The following EHHADH variants were observed in gnomAD, a reference collection of about 807,000 sequenced individuals.
EHHADH encodes the protein enoyl-CoA hydratase and 3-hydroxyacyl CoA dehydrogenase.
EHHADH carries 48 observed loss-of-function variants against 64.4 expected under a neutral mutation model. That is an observed-to-expected ratio of 0.75 (90% CI 0.59 to 0.95). The LOEUF is 0.95. EHHADH is among the 40% of genes least tolerant of loss of function. The pLI is 0.00. For synonymous variants in EHHADH, 308 were observed against 326.7 expected, an observed-to-expected ratio of 0.94 and a Z score of 0.62; for missense variants, 854 against 876.6, an observed-to-expected ratio of 0.97 and a Z score of 0.33.
chr3:185,248,579 G>T, intron 1 of EHHADH, 62 bp from the exon 2 acceptor site: 1 of 1,267,430 alleles, frequency 7.9e-7, no homozygotes, highest in Non-Finnish European at 1.1e-6. Context: ...CATTCAGAGT[G>T]TTTTCCTTTC....
chr3:185,201,373 G>A (rs1256953371), intron 6 of EHHADH, among the ~76,000 whole-genome samples: 3 of 152,154 alleles, frequency 2.0e-5, no homozygotes, highest in Non-Finnish European at 4.4e-5. Context: ...TAATGAAAAG[G>A]GATAGAACGA....
intron 1 of EHHADH, among the ~76,000 whole-genome samples, chr3:185,249,497 C>T (rs559907426): frequency 4.6e-5 from 7 of 152,270 alleles, no homozygotes; most frequent in Admixed American, 3.9e-4. Flanking sequence ...AGGGACCTAG[C>T]GGGAGTTGAT....
intron 5 of EHHADH, among the ~76,000 whole-genome samples, chr3:185,205,483 CA>C (rs1378448259): frequency 6.6e-6 from 1 of 152,116 alleles, no homozygotes; most frequent in African/African-American, 2.4e-5. Context: ...GTATATATAT[CA>C]ATGGAAGAGA....
intron 5 of EHHADH, among the ~76,000 whole-genome samples, chr3:185,205,314 C>G (rs1353218161): frequency 1.3e-5 from 2 of 152,068 alleles, no homozygotes; most frequent in Admixed American, 1.3e-4. Context: ...GGTTTTTCAA[C>G]CTTTGCCATC....
intron 4 of EHHADH, among the ~76,000 whole-genome samples, chr3:185,224,649 A>T (rs926779037): frequency 3.9e-5 from 6 of 152,168 alleles, no homozygotes; most frequent in South Asian, 4.1e-4. Flanking sequence ...TAAAACACAC[A>T]TTTACTATCT....
intron 1 of EHHADH, among the ~76,000 whole-genome samples, chr3:185,252,124 T>A (rs1719764264): frequency 6.6e-6 from 1 of 152,136 alleles, no homozygotes; most frequent in African/African-American, 2.4e-5. Flanking sequence ...TGTCAGAGGC[T>A]GGGCACGTGG....
At chr3:185,233,182 G>T (rs1560018300) in intron 3 of EHHADH, among the ~76,000 whole-genome samples, 1 of 152,200 alleles carries the variant, frequency 6.6e-6, no homozygotes, top group Non-Finnish European at 1.5e-5. Flanking sequence ...CATAATGTAT[G>T]AAGATATAAC....
At chr3:185,228,602 C>T (rs1169308713) in intron 4 of EHHADH, among the ~76,000 whole-genome samples, 2 of 151,028 alleles carry the variant, frequency 1.3e-5, no homozygotes, top group Admixed American at 6.6e-5. Context: ...CACTTGAACC[C>T]GGGAGGTGGA....
intron 4 of EHHADH, chr3:185,226,736 C>T (rs1718989445): frequency 6.6e-6 from 1 of 152,032 alleles, no homozygotes; most frequent in Non-Finnish European, 1.5e-5. Flanking sequence ...ACTCCGATCT[C>T]ATGACAAACC....
At chr3:185,200,440 G>A (rs1718191931) in intron 6 of EHHADH, among the ~76,000 whole-genome samples, 1 of 152,156 alleles carries the variant, frequency 6.6e-6, no homozygotes, top group Non-Finnish European at 1.5e-5. Context: ...CAAGAAGGTT[G>A]AACAGCTCTC....
chr3:185,217,273 G>T (rs1359697310), intron 5 of EHHADH, among the ~76,000 whole-genome samples: 1 of 152,038 alleles, frequency 6.6e-6, no homozygotes, highest in Non-Finnish European at 1.5e-5. Flanking sequence ...GGGGCCAGGC[G>T]CGGTGGCTCA....
intron 4 of EHHADH, among the ~76,000 whole-genome samples, chr3:185,228,937 G>A (rs1189707306): frequency 6.6e-6 from 1 of 151,840 alleles, no homozygotes; most frequent in African/African-American, 2.4e-5. Context: ...CCGAGTAGCT[G>A]GGATTACAGG....
intron 2 of EHHADH, among the ~76,000 whole-genome samples, chr3:185,244,093 T>C (rs6782539): frequency 0.67 from 101,389 of 152,060 alleles, 35,775 homozygotes; most frequent in Non-Finnish European, 0.79. Flanking sequence ...AACCCTTTAT[T>C]ATTATATAAT....
At chr3:185,246,072 T>C in intron 2 of EHHADH, 1 of 1,275,802 alleles carries the variant, frequency 7.8e-7, no homozygotes, top group Non-Finnish European at 1.1e-6. Flanking sequence ...TTCTTTTTCT[T>C]CTTTTTATTC....
chr3:185,242,923 C>A (rs1719497213), intron 2 of EHHADH, among the ~76,000 whole-genome samples: 1 of 152,248 alleles, frequency 6.6e-6, no homozygotes, highest in African/African-American at 2.4e-5. Flanking sequence ...CAGCTGCAGA[C>A]TTTCGTCTCC....
chr3:185,197,058 A>G (rs1718082856), intron 6 of EHHADH, among the ~76,000 whole-genome samples: 1 of 152,034 alleles, frequency 6.6e-6, no homozygotes, highest in African/African-American at 2.4e-5. Context: ...GGTTCCATTT[A>G]TATGAAATGT....
intron 4 of EHHADH, among the ~76,000 whole-genome samples, chr3:185,222,321 TG>T (rs1718859957): frequency 1.3e-5 from 2 of 152,096 alleles, no homozygotes; most frequent in South Asian, 4.1e-4. Context: ...AGGCGGAGGC[TG>T]CAGTGAGCCG....
chr3:185,203,844 A>G (rs1718296798), intron 6 of EHHADH, among the ~76,000 whole-genome samples: 2 of 152,172 alleles, frequency 1.3e-5, no homozygotes, highest in Admixed American at 1.3e-4. Context: ...GGTAGCATAG[A>G]ATAAAAAATG....
chr3:185,245,123 A>AT (rs138951864), intron 2 of EHHADH, among the ~76,000 whole-genome samples: 16 of 151,906 alleles, frequency 1.1e-4, no homozygotes, highest in African/African-American at 3.6e-4. Context: ...TTGAGAAGCT[A>AT]TTTTTTTTAC....
Sources: allele counts gnomAD v4.1 joint callset (sites outside exome capture counted in the v4.1 genomes callset), GRCh38; gene constraint gnomAD v4.1.1; transcripts MANE v1.5; gene names NCBI Gene and HGNC (gene_info 2026-07-23, HGNC 2026-07-21).